SLC4A10: variants seen among roughly 807,000 people sequenced by gnomAD.
SLC4A10 encodes the protein solute carrier family 4 member 10.
A neutral mutation model predicts 137.7 loss-of-function variants in SLC4A10; 42 were observed. The observed-to-expected ratio is 0.30, with a 90% CI of 0.24 to 0.39. SLC4A10 has a LOEUF of 0.39. SLC4A10 is among the 10% of genes least tolerant of loss of function. SLC4A10 has a pLI of 1.00. For missense variants in SLC4A10, 925 were observed against 1,355.0 expected, an observed-to-expected ratio of 0.68 and a Z score of 4.98; for synonymous variants, 474 against 464.1, an observed-to-expected ratio of 1.02 and a Z score of -0.27.
chr2:161,893,980 T>C lies in SLC4A10; in HGVS notation c.1195-699T>C, dbSNP rs966741638. On this transcript the variant is annotated intron_variant, in intron 10 of 26. Transcript: ENST00000446997. ...TATCCAGACTTAACCCCACTGAAAGTTGAGGAGCCTACTCAATGCATGTCA... is the reference window on the plus strand; with the variant it reads ...TATCCAGACTTAACCCCACTGAAAGCTGAGGAGCCTACTCAATGCATGTCA... Among the ~76,000 whole-genome samples, 3 of 152,030 alleles carry C rather than the reference T, an allele frequency of 2.0e-5. No individual in the cohort carries two copies. In the East Asian group the frequency reaches 5.8e-4, roughly 29 times the overall value.
intron 1 of SLC4A10, among the ~76,000 whole-genome samples, chr2:161,689,796 A>T (rs1329070763): frequency 1.3e-5 from 2 of 152,184 alleles, no homozygotes; most frequent in African/African-American, 4.8e-5. Flanking sequence ...TAAGCACAGC[A>T]GGCTCTTGGC....
intron 9 of SLC4A10, among the ~76,000 whole-genome samples, chr2:161,879,978 C>G (rs1183437792): frequency 6.6e-6 from 1 of 151,706 alleles, no homozygotes; most frequent in Non-Finnish European, 1.5e-5. Flanking sequence ...CTATCCATTA[C>G]TAAAACTGTA....
intron 1 of SLC4A10, among the ~76,000 whole-genome samples, chr2:161,759,838 C>T (rs577594223): frequency 7.2e-5 from 11 of 151,832 alleles, no homozygotes; most frequent in Non-Finnish European, 1.6e-4. Context: ...TGATTGTTTC[C>T]TTTGCTGTGC....
chr2:161,671,969 TGA>T (rs1326210096), intron 1 of SLC4A10, among the ~76,000 whole-genome samples: 1 of 152,156 alleles, frequency 6.6e-6, no homozygotes, highest in Non-Finnish European at 1.5e-5. Context: ...TTTGATTGTG[TGA>T]ATTAGGGATT....
intron 23 of SLC4A10, among the ~76,000 whole-genome samples, chr2:161,972,078 A>G (rs1270036136): frequency 6.6e-6 from 1 of 152,024 alleles, no homozygotes; most frequent in African/African-American, 2.4e-5. Flanking sequence ...GCTTTTTTGC[A>G]TTTTACTCTT....
At chr2:161,744,820 G>T (rs1169345026) in intron 1 of SLC4A10, among the ~76,000 whole-genome samples, 1 of 150,398 alleles carries the variant, frequency 6.6e-6, no homozygotes, top group Non-Finnish European at 1.5e-5. Context: ...AAAAGATATT[G>T]TAGTTTTATT....
chr2:161,710,587 T>C, intron 1 of SLC4A10: 1 of 389,092 alleles, frequency 2.6e-6, no homozygotes. Flanking sequence ...TGTAGTTAAA[T>C]GCAATGTCAA....
chr2:161,913,670 C>T (rs1686398090), intron 15 of SLC4A10, among the ~76,000 whole-genome samples: 2 of 152,146 alleles, frequency 1.3e-5, no homozygotes, highest in Non-Finnish European at 1.5e-5. Flanking sequence ...TGACTTCTGA[C>T]CTACCAGTAA....
chr2:161,661,166 A>G (rs1006322631), intron 1 of SLC4A10, among the ~76,000 whole-genome samples: 2 of 152,106 alleles, frequency 1.3e-5, no homozygotes, highest in Non-Finnish European at 2.9e-5. Flanking sequence ...TACGAACATC[A>G]TGAAAAGGCA....
chr2:161,907,097 A>G (rs1350173622), intron 15 of SLC4A10, among the ~76,000 whole-genome samples: 1 of 151,308 alleles, frequency 6.6e-6, no homozygotes, highest in African/African-American at 2.4e-5. Context: ...ACGAAATGAT[A>G]TTATGTTGAA....
intron 16 of SLC4A10, among the ~76,000 whole-genome samples, chr2:161,945,617 T>C (rs980671437): frequency 6.6e-6 from 1 of 151,872 alleles, no homozygotes; most frequent in Non-Finnish European, 1.5e-5. Flanking sequence ...TATGTGTGCA[T>C]GTGTGAGTGC....
chr2:161,955,714 T>C (rs1356890192), intron 19 of SLC4A10, among the ~76,000 whole-genome samples: 1 of 152,186 alleles, frequency 6.6e-6, no homozygotes, highest in East Asian at 1.9e-4. Flanking sequence ...ATGACAAATA[T>C]GCAACAAATA....
At chr2:161,859,019 G>A (rs2060255024) in intron 5 of SLC4A10, among the ~76,000 whole-genome samples, 1 of 151,980 alleles carries the variant, frequency 6.6e-6, no homozygotes, top group Admixed American at 6.6e-5. Context: ...TGTTAGTGCT[G>A]GCAACCAAAC....
At chr2:161,643,464 C>A (rs2035585492) in intron 1 of SLC4A10, among the ~76,000 whole-genome samples, 1 of 152,070 alleles carries the variant, frequency 6.6e-6, no homozygotes, top group Non-Finnish European at 1.5e-5. Flanking sequence ...TTCAATTTGA[C>A]TGGCAGTAAT....
intron 25 of SLC4A10, 29 bp from the exon 26 acceptor site, chr2:161,977,693 T>G (rs779973514): frequency 6.3e-7 from 1 of 1,584,806 alleles, no homozygotes; most frequent in Admixed American, 1.8e-5. Flanking sequence ...TTTTTCTACT[T>G]AATTTTTATA....
chr2:161,762,108 T>C (rs2050309792), intron 1 of SLC4A10, among the ~76,000 whole-genome samples: 1 of 152,104 alleles, frequency 6.6e-6, no homozygotes, highest in Non-Finnish European at 1.5e-5. Context: ...GGGACTTAAA[T>C]GCTTCTTTAA....
At chr2:161,882,521 C>A (rs1257711776) in intron 10 of SLC4A10, 77 bp downstream of exon 10, 5 of 834,820 alleles carry the variant, frequency 6.0e-6, no homozygotes, top group Non-Finnish European at 5.4e-6. Context: ...CTTTTCATGA[C>A]AGTTTGTTGT....
chr2:161,768,424 G>T (rs532690526), intron 1 of SLC4A10, among the ~76,000 whole-genome samples: 74 of 151,962 alleles, frequency 4.9e-4, no homozygotes, highest in Non-Finnish European at 1.0e-3. Context: ...GTAAAAGATG[G>T]TAGGTCTCTT....
intron 1 of SLC4A10, among the ~76,000 whole-genome samples, chr2:161,667,546 G>A (rs567662832): frequency 7.9e-5 from 12 of 151,750 alleles, no homozygotes; most frequent in African/African-American, 2.9e-4. Context: ...CATCCATAAC[G>A]TTTCAGCCAT....
Sources: allele counts gnomAD v4.1 joint callset (sites outside exome capture counted in the v4.1 genomes callset), GRCh38; gene constraint gnomAD v4.1.1; transcripts MANE v1.5; gene names NCBI Gene and HGNC (gene_info 2026-07-23, HGNC 2026-07-21).